The following CKM variants were observed in gnomAD, a reference collection of about 807,000 sequenced individuals.
CKM encodes the protein creatine kinase, M-type.
CKM carries 28 observed loss-of-function variants against 35.4 expected under a neutral mutation model. The observed-to-expected ratio is 0.79, with a 90% CI of 0.59 to 1.08. The LOEUF is 1.08. Ranked by LOEUF, CKM falls within the 50% of genes least tolerant of loss-of-function variation. The pLI, the probability that CKM is intolerant of heterozygous loss-of-function variation, is 0.00. For synonymous variants in CKM, 215 were observed against 204.4 expected, an observed-to-expected ratio of 1.05 and a Z score of -0.44; for missense variants, 484 against 509.8, an observed-to-expected ratio of 0.95 and a Z score of 0.49.
At chr19:45,310,174 G>A (rs1971093970) in intron 5 of CKM, among the ~76,000 whole-genome samples, 1 of 135,138 alleles carries the variant, frequency 7.4e-6, no homozygotes, top group Admixed American at 8.1e-5. Context: ...AGGCTGGAGT[G>A]CAGTGATGCG....
chr19:45,311,401 AT>A (rs1042301142), intron 5 of CKM, among the ~76,000 whole-genome samples: 2 of 151,020 alleles, frequency 1.3e-5, no homozygotes, highest in Non-Finnish European at 2.9e-5. Context: ...GCCCAGCTAA[AT>A]TTTTGTCATT....
At chr19:45,322,713 G>A in intron 1 of CKM, 108 bp downstream of exon 1, 2 of 642,198 alleles carry the variant, frequency 3.1e-6, no homozygotes, top group Non-Finnish European at 3.9e-6. Flanking sequence ...ATAGGAGGAT[G>A]TTGGTGGAGC....
At position 45,318,179 on chromosome 19, in the gene CKM, G is replaced by A. The variant is rs374682241; in HGVS notation, c.194-200C>T. ...TCCCAGCACTTTGGGAGGGTGAGGC[G>A]GGTGAATCTCTTGAGGTCAGGAGTG... On this transcript the variant is annotated intron_variant, in intron 2 of 7. Transcript: ENST00000221476. Among the ~76,000 whole-genome samples the A allele has an allele frequency of 3.3e-5, 5 of 152,186 alleles. No individual in the cohort carries two copies. In the East Asian group the frequency reaches 5.8e-4, roughly 18 times the overall value.
In CKM at chr19:45,306,542, C is replaced by T; in HGVS notation, c.*208G>A. 1 of 603,412 alleles carries T rather than the reference C, an allele frequency of 1.7e-6. No individual in the cohort carries two copies. Among genetic ancestry groups the T allele is most frequent in the Non-Finnish European group, 2.9e-6 (1 of 339,354 alleles). The allele number at this position is 603,412 out of a possible 1,614,324, so 37.4% of individuals were successfully genotyped here. ...CTCTGGGAAAAGAAGAGGACCCTGCCAGGGAGATATTTCATTGGCCAGAAT... is the reference window on the plus strand; with the variant it reads ...CTCTGGGAAAAGAAGAGGACCCTGCTAGGGAGATATTTCATTGGCCAGAAT... On this transcript the variant is annotated 3_prime_UTR_variant, in exon 8 of 8. Coordinates refer to ENST00000221476, the MANE Select transcript of CKM (RefSeq NM_001824.5). This position sits in a 1 kb window ranked among gnomAD's most constrained non-coding sequence, Gnocchi z 4.5.
At chr19:45,308,582 C>T (rs1019393923) in intron 5 of CKM, 50 bp from the exon 6 acceptor site, 4 of 1,612,756 alleles carry the variant, frequency 2.5e-6, no homozygotes, top group Non-Finnish European at 3.4e-6. Context: ...CCCGTGGGAA[C>T]CCCATTCCCA....
rs1256329121 is a variant in CKM, at chr19:45,311,799, C to T, written c.603G>A (p.Leu201=). ...HFLFDKPVSP[L]LLASGMARDW... is the part of the protein sequence containing the mutation. Reference sequence around the variant, plus strand: ...CGCGGGCCATGCCTGAGGCCAGCAGCAGCGGGGACACGGGCTTGTCGAACA... The same window carrying T: ...CGCGGGCCATGCCTGAGGCCAGCAGTAGCGGGGACACGGGCTTGTCGAACA... The change falls in exon 5 of 8, where the codon CTG becomes CTA. Residue 201 remains leucine (L), a synonymous_variant. Coordinates refer to ENST00000221476, the MANE Select transcript of CKM (RefSeq NM_001824.5). 1 of 1,608,778 alleles carries T rather than the reference C, an allele frequency of 6.2e-7. No individual in the cohort carries two copies. Among genetic ancestry groups the T allele is most frequent in the Non-Finnish European group, 8.5e-7 (1 of 1,177,668 alleles).
At chr19:45,309,472 C>T (rs1275674207) in intron 5 of CKM, among the ~76,000 whole-genome samples, 5 of 149,678 alleles carry the variant, frequency 3.3e-5, no homozygotes, top group African/African-American at 1.2e-4. Flanking sequence ...GGGAGGATCA[C>T]TTGACCTTGG....
At chr19:45,320,890 CTATTATTAT>C in intron 1 of CKM, among the ~76,000 whole-genome samples, 1 of 146,322 alleles carries the variant, frequency 6.8e-6, no homozygotes, top group East Asian at 2.0e-4. Context: ...CACTTAGCTG[CTATTATTAT>C]TATTATTATT....
chr19:45,308,344 C>A, intron 6 of CKM, 65 bp downstream of exon 6: 1 of 1,603,560 alleles, frequency 6.2e-7, no homozygotes, highest in Non-Finnish European at 8.5e-7. Context: ...AGGGGCGGGG[C>A]CTCGGAAAGC....
At chr19:45,314,425 T>C (rs1442909045) in intron 4 of CKM, among the ~76,000 whole-genome samples, 1 of 152,110 alleles carries the variant, frequency 6.6e-6, no homozygotes, top group Non-Finnish European at 1.5e-5. Context: ...ACATAACTTT[T>C]TTTTTTGAGA....
In CKM at chr19:45,306,657, G is replaced by GGGGGC; in HGVS notation, c.*88_*92dup. ...AGCCCCCAGGTGGGACTCTGGGACA[G>GGGGGC]GGGGCGGGGCGAGGAGTGAGGGAGC... is the stretch of plus-strand genomic sequence containing the variant. On this transcript the variant is annotated 3_prime_UTR_variant, in exon 8 of 8. Coordinates refer to ENST00000221476, the MANE Select transcript of CKM (RefSeq NM_001824.5). The surrounding 1 kb of genome is among the most constrained non-coding windows in gnomAD (Gnocchi z 4.5). The GGGGGC allele has an allele frequency of 7.3e-7, 1 of 1,370,670 alleles. No individual in the cohort carries two copies. Among genetic ancestry groups the GGGGGC allele is most frequent in the Non-Finnish European group, 1.0e-6 (1 of 969,544 alleles). 84.9% of individuals were successfully genotyped at this position (1,370,670 alleles called of 1,614,324 possible). A position where few individuals can be genotyped will look rare whatever the true frequency, so the allele number is the denominator to read the frequency against.
At chr19:45,319,334 G>A (rs1255133410) in intron 2 of CKM, among the ~76,000 whole-genome samples, 187 bp downstream of exon 2, 1 of 152,126 alleles carries the variant, frequency 6.6e-6, no homozygotes, top group East Asian at 1.9e-4. Flanking sequence ...TTATTGCGTG[G>A]TTTGCTGAGT....
chr19:45,308,667 C>G, intron 5 of CKM, 135 bp from the exon 6 acceptor site: 1 of 1,092,282 alleles, frequency 9.2e-7, no homozygotes, highest in Non-Finnish European at 1.4e-6. Flanking sequence ...CATCTGCCTC[C>G]TCAAAACGCA....
At chr19:45,312,330 C>G (rs1971118104) in intron 4 of CKM, among the ~76,000 whole-genome samples, 1 of 152,136 alleles carries the variant, frequency 6.6e-6, no homozygotes, top group South Asian at 2.1e-4. Flanking sequence ...TGGCACGAGC[C>G]TGTAGTCCAG....
chr19:45,312,077 T>C (rs1971116013), intron 4 of CKM, among the ~76,000 whole-genome samples, 157 bp from the exon 5 acceptor site: 2 of 152,220 alleles, frequency 1.3e-5, no homozygotes, highest in Admixed American at 1.3e-4. Context: ...CCCACACTTG[T>C]GACGGCTCCC....
intron 1 of CKM, among the ~76,000 whole-genome samples, chr19:45,321,498 C>T (rs1971213253): frequency 6.6e-6 from 1 of 152,164 alleles, no homozygotes; most frequent in African/African-American, 2.4e-5. Context: ...CCTCTGTCTC[C>T]TGTGAACTGA....
At chr19:45,310,516 GGAAACTGGGGTA>G (rs1971097936) in intron 5 of CKM, among the ~76,000 whole-genome samples, 1 of 152,082 alleles carries the variant, frequency 6.6e-6, no homozygotes, top group Non-Finnish European at 1.5e-5. Context: ...CCTATAGCTA[GGAAACTGGGGTA>G]GAGAAAAATA....
chr19:45,318,038 G>A, intron 2 of CKM, 59 bp from the exon 3 acceptor site: 1 of 1,480,844 alleles, frequency 6.8e-7, no homozygotes, highest in Non-Finnish European at 9.4e-7. Flanking sequence ...GCGTGGGCTT[G>A]TGGGCTCAGT....
At chr19:45,318,912 T>A (rs2123144570) in intron 2 of CKM, among the ~76,000 whole-genome samples, 2 of 151,580 alleles carry the variant, frequency 1.3e-5, no homozygotes, top group East Asian at 3.9e-4. Flanking sequence ...TGGAGTACAG[T>A]GGCGCGATCT....
Sources: gnomAD v4.1 joint callset for allele counts (sites outside exome capture counted in the v4.1 genomes callset) on GRCh38, gnomAD v4.1.1 for gene constraint, Gnocchi (gnomAD v3.1) non-coding constraint, MANE v1.5 for transcripts, NCBI Gene and HGNC (gene_info 2026-07-23, HGNC 2026-07-21) for gene names.